The following GNAQ variants were observed in gnomAD, a reference collection of about 807,000 sequenced individuals.
GNAQ encodes the protein guanine nucleotide-binding protein G(q) subunit alpha.
Under a neutral mutation model 43.9 loss-of-function variants are expected in GNAQ, and 8 were observed. That is an observed-to-expected ratio of 0.18 (90% CI 0.11 to 0.33). The LOEUF (loss-of-function observed/expected upper bound fraction) is 0.33. Among genes scored for constraint, GNAQ ranks in the 10% least tolerant of loss-of-function variants. The pLI is 1.00. For missense variants in GNAQ, 158 were observed against 450.8 expected (o/e 0.35, Z 5.88); for synonymous variants, 155 against 170.7 (o/e 0.91, Z 0.71).
intron 1 of GNAQ, among the ~76,000 whole-genome samples, chr9:77,928,109 A>G (rs950011782): frequency 1.2e-4 from 18 of 152,352 alleles, no homozygotes; most frequent in African/African-American, 4.1e-4. Context: ...AAAGTATTCA[A>G]TAACACTGAG....
chr9:77,761,958 C>T (rs1826037902), intron 5 of GNAQ, among the ~76,000 whole-genome samples: 2 of 138,476 alleles, frequency 1.4e-5, no homozygotes, highest in Admixed American at 1.4e-4. Context: ...CGGGGGTCAG[C>T]CCCCCGCCCG....
chr9:77,914,681 G>A (rs924772003), intron 2 of GNAQ, among the ~76,000 whole-genome samples: 3 of 151,854 alleles, frequency 2.0e-5, no homozygotes, highest in East Asian at 3.9e-4. Context: ...AAAAAAAGAT[G>A]AGAAAACTCT....
At chr9:77,898,520 CTATCTGTTAGTTA>C (rs1401688238) in intron 2 of GNAQ, among the ~76,000 whole-genome samples, 2 of 152,134 alleles carry the variant, frequency 1.3e-5, no homozygotes, top group African/African-American at 4.8e-5. Flanking sequence ...CAAGAGCAAC[CTATCTGTTAGTTA>C]TAGATGCACT....
intron 2 of GNAQ, among the ~76,000 whole-genome samples, chr9:77,857,664 GGAAGGAGGGAAGGAGGGGAAGGAGAGA>G (rs1423463066): frequency 2.5e-5 from 2 of 81,462 alleles, no homozygotes; most frequent in African/African-American, 6.5e-5. Flanking sequence ...GGGAAGGAGG[GGAAGGAGGGAAGGAGGGGAAGGAGAGA>G]AAGGAAGACA....
In GNAQ at chr9:77,950,365, A is replaced by G. The variant is rs150204436; in HGVS notation, c.137-28020T>C. 1.6e-3 allele frequency among the ~76,000 whole-genome samples: 238 copies of G among 152,262 alleles called. 1 individual carries two copies. The highest frequency in any genetic ancestry group is 5.5e-3 in the African/African-American group (230 of 41,548). On this transcript the variant is annotated intron_variant, in intron 1 of 6. Transcript: ENST00000286548. ...GCCTCCACGCTACATGGCTGTCACT[A>G]CCTGATGCAGGAAAACAGGTTACAA...
rs536121864 is a variant in GNAQ, at chr9:77,720,250, C to T, written c.*1073G>A. On this transcript the variant is annotated 3_prime_UTR_variant, in exon 7 of 7. Coordinates refer to ENST00000286548, the MANE Select transcript of GNAQ (RefSeq NM_002072.5). ...TCATTTTAGGCTTCACAGTCTTACT[C>T]TCTTACATTTTAAGATACCAGCTTT... The T allele has an allele frequency of 2.1e-5, 5 of 233,312 alleles. No individual in the cohort carries two copies. Among genetic ancestry groups the T allele is most frequent in the Non-Finnish European group, 4.2e-5 (5 of 117,900 alleles). The allele number at this position is 233,312 out of a possible 1,614,324, so 14.5% of individuals were successfully genotyped here.
At chr9:77,952,703 T>C (rs1462901510) in intron 1 of GNAQ, among the ~76,000 whole-genome samples, 1 of 152,234 alleles carries the variant, frequency 6.6e-6, no homozygotes, top group Non-Finnish European at 1.5e-5. Flanking sequence ...CAGTTTACCA[T>C]GCTAAATCAG....
chr9:77,863,220 G>GGAAGGAAGGAAGGGAGGA (rs1564133751), intron 2 of GNAQ, among the ~76,000 whole-genome samples: 1 of 34,264 alleles, frequency 2.9e-5, no homozygotes, highest in African/African-American at 5.7e-5. Flanking sequence ...GGAAGGAAGG[G>GGAAGGAAGGAAGGGAGGA]AGGAAGGAAG....
At chr9:77,771,905 A>G (rs1172291214) in intron 5 of GNAQ, among the ~76,000 whole-genome samples, 1 of 151,648 alleles carries the variant, frequency 6.6e-6, no homozygotes, top group Non-Finnish European at 1.5e-5. Flanking sequence ...CTCCAATCAA[A>G]AACAACAAAA....
chr9:77,885,812 A>G (rs1161817529), intron 2 of GNAQ, among the ~76,000 whole-genome samples: 1 of 152,186 alleles, frequency 6.6e-6, no homozygotes, highest in Non-Finnish European at 1.5e-5. Flanking sequence ...AAAAAAAAAA[A>G]AGTGTTATTA....
intron 5 of GNAQ, among the ~76,000 whole-genome samples, chr9:77,768,887 T>A (rs1299509037): frequency 3.9e-5 from 6 of 152,172 alleles, no homozygotes. Flanking sequence ...ATGTTCTGAG[T>A]GGAGTTTCTG....
At chr9:77,962,891 T>TAA (rs1823122734) in intron 1 of GNAQ, among the ~76,000 whole-genome samples, 1 of 48,764 alleles carries the variant, frequency 2.1e-5, no homozygotes. Context: ...AAACTTAGTC[T>TAA]CAAAAAAAAA....
intron 5 of GNAQ, among the ~76,000 whole-genome samples, chr9:77,783,485 G>A (rs772696579): frequency 5.3e-5 from 8 of 151,920 alleles, no homozygotes; most frequent in Non-Finnish European, 8.8e-5. Flanking sequence ...TTTATAGCTG[G>A]CTCTTCTGTC....
chr9:77,984,720 A>T (rs1380183194), intron 1 of GNAQ, among the ~76,000 whole-genome samples: 1 of 152,134 alleles, frequency 6.6e-6, no homozygotes, highest in East Asian at 1.9e-4. Context: ...GATTCAGTGC[A>T]GGTGCTCTAA....
chr9:77,859,113 C>T (rs1004473614), intron 2 of GNAQ, among the ~76,000 whole-genome samples: 3 of 152,182 alleles, frequency 2.0e-5, no homozygotes, highest in Admixed American at 6.5e-5. Flanking sequence ...AATTTCACAT[C>T]GCCTGTGGGA....
intron 3 of GNAQ, among the ~76,000 whole-genome samples, chr9:77,804,466 A>G (rs1303820244): frequency 6.6e-6 from 1 of 152,184 alleles, no homozygotes; most frequent in African/African-American, 2.4e-5. Flanking sequence ...CAGGAGTTTC[A>G]GGGTGTAACC....
At chr9:77,818,012 AC>A (rs1156344641) in intron 2 of GNAQ, among the ~76,000 whole-genome samples, 3 of 151,934 alleles carry the variant, frequency 2.0e-5, no homozygotes, top group South Asian at 2.1e-4. Flanking sequence ...AACAAAAAAA[AC>A]AAAAACAAAA....
At chr9:77,815,407 A>C (rs1826996507) in intron 3 of GNAQ, among the ~76,000 whole-genome samples, 1 of 152,216 alleles carries the variant, frequency 6.6e-6, no homozygotes. Context: ...CAGTAAAAGA[A>C]ATATTCTCCC....
intron 2 of GNAQ, among the ~76,000 whole-genome samples, chr9:77,819,749 G>C (rs1209998836): frequency 7.7e-6 from 1 of 129,824 alleles, no homozygotes; most frequent in Non-Finnish European, 1.7e-5. Flanking sequence ...TGACTCTAAA[G>C]AAAAAAATCA....
Sources: allele counts gnomAD v4.1 joint callset (sites outside exome capture counted in the v4.1 genomes callset), GRCh38; gene constraint gnomAD v4.1.1; transcripts MANE v1.5; gene names NCBI Gene and HGNC (gene_info 2026-07-23, HGNC 2026-07-21).